The following ADCYAP1R1 variants were observed in gnomAD, a reference collection of about 807,000 sequenced individuals.
The protein encoded by ADCYAP1R1 is pituitary adenylate cyclase-activating polypeptide type I receptor.
A neutral mutation model predicts 67.6 loss-of-function variants in ADCYAP1R1; 44 were observed. That is an observed-to-expected ratio of 0.65 (90% CI 0.51 to 0.84). The LOEUF (loss-of-function observed/expected upper bound fraction) is 0.84, where lower values mean the gene tolerates loss of function less well. ADCYAP1R1 is among the 40% of genes least tolerant of loss of function. The pLI, the probability that ADCYAP1R1 is intolerant of heterozygous loss-of-function variation, is 0.00. For missense variants in ADCYAP1R1, 477 were observed against 587.9 expected, an observed-to-expected ratio of 0.81 and a Z score of 1.95; for synonymous variants, 222 against 219.6, an observed-to-expected ratio of 1.01 and a Z score of -0.10.
chr7:31,069,318 C>T (rs1257041135), intron 3 of ADCYAP1R1, among the ~76,000 whole-genome samples: 1 of 152,220 alleles, frequency 6.6e-6, no homozygotes, highest in Non-Finnish European at 1.5e-5. Flanking sequence ...CCTGCTGCAT[C>T]TCTTTCCTGC....
intron 13 of ADCYAP1R1, chr7:31,095,815 G>A: frequency 1.4e-6 from 1 of 703,792 alleles, no homozygotes; most frequent in Non-Finnish European, 2.6e-6. Flanking sequence ...CGGTATTCCT[G>A]GCCCAGCCTC....
intron 4 of ADCYAP1R1, among the ~76,000 whole-genome samples, chr7:31,078,447 G>A (rs1795370284): frequency 6.6e-6 from 1 of 152,200 alleles, no homozygotes; most frequent in Admixed American, 6.5e-5. Flanking sequence ...TGCTGTGGAC[G>A]CCACTTAGCA....
At position 31,106,776 on chromosome 7, in the gene ADCYAP1R1, T is replaced by A; in HGVS notation, c.*92T>A. The A allele has an allele frequency of 7.1e-7, 1 of 1,403,620 alleles. No individual in the cohort carries two copies. The highest frequency in any genetic ancestry group is 9.5e-7 in the Non-Finnish European group (1 of 1,057,130). 86.9% of individuals were successfully genotyped at this position (1,403,620 alleles called of 1,614,324 possible). A position where few individuals can be genotyped will look rare whatever the true frequency, so the allele number is the denominator to read the frequency against. On this transcript the variant is annotated 3_prime_UTR_variant, in exon 16 of 16. Transcript: ENST00000304166. Reference sequence around the variant, plus strand: ...GCATGTTTGCGCCTCTTCCCTCCCCTTGGGCAGGCCCTGGGCTGGAAGCTT... The same window carrying A: ...GCATGTTTGCGCCTCTTCCCTCCCCATGGGCAGGCCCTGGGCTGGAAGCTT...
intron 13 of ADCYAP1R1, among the ~76,000 whole-genome samples, chr7:31,096,670 C>A (rs2267736): frequency 6.6e-6 from 1 of 151,826 alleles, no homozygotes; most frequent in Non-Finnish European, 1.5e-5. Context: ...CTTGTGGTTG[C>A]GGAGGAGGTG....
At chr7:31,060,167 A>G (rs1794437212) in intron 1 of ADCYAP1R1, among the ~76,000 whole-genome samples, 1 of 152,168 alleles carries the variant, frequency 6.6e-6, no homozygotes, top group Admixed American at 6.5e-5. Context: ...CCGCAGCTAC[A>G]GCTGAGAAGC....
At chr7:31,083,552 G>A (rs1795603093) in intron 6 of ADCYAP1R1, among the ~76,000 whole-genome samples, 1 of 152,214 alleles carries the variant, frequency 6.6e-6, no homozygotes, top group South Asian at 2.1e-4. Context: ...GTAAGATCCG[G>A]CCCTACGTTA....
At chr7:31,090,878 A>G (rs112334142) in intron 12 of ADCYAP1R1, among the ~76,000 whole-genome samples, 15,609 of 152,284 alleles carry the variant, frequency 0.1, 1,463 homozygotes, top group African/African-American at 0.25. Context: ...TGTGATGAAC[A>G]TACCAATGCG....
Position 31,110,075 on chromosome 7 carries a change from C to T in ADCYAP1R1, c.*3391C>T, listed in dbSNP as rs960625384. 1 of 151,814 alleles carries T rather than the reference C, an allele frequency of 6.6e-6. No individual in the cohort carries two copies. The highest frequency in any genetic ancestry group is 2.4e-5 in the African/African-American group (1 of 41,296). The allele number at this position is 151,814 out of a possible 1,614,324, so 9.4% of individuals were successfully genotyped here. On this transcript the variant is annotated 3_prime_UTR_variant, in exon 16 of 16. Coordinates refer to ENST00000304166, the MANE Select transcript of ADCYAP1R1 (RefSeq NM_001118.5). ...AATCCCCGCCAAGGATGCCCACTCA[C>T]CTCTCTCATCTGATCCTCACTCTTT...
At chr7:31,052,863 G>GC (rs1180328926) in intron 1 of ADCYAP1R1, among the ~76,000 whole-genome samples, 185 bp downstream of exon 1, 2 of 152,110 alleles carry the variant, frequency 1.3e-5, no homozygotes, top group African/African-American at 4.8e-5. Context: ...CTGAAATGAA[G>GC]CCCCCTCCCG....
intron 2 of ADCYAP1R1, 45 bp from the exon 3 acceptor site, chr7:31,064,786 G>A (rs1478984982): frequency 6.7e-7 from 1 of 1,486,054 alleles, no homozygotes; most frequent in East Asian, 2.4e-5. Flanking sequence ...GCTTACAGAT[G>A]GGCCTCCTAC....
In ADCYAP1R1 at chr7:31,084,169, G is replaced by C. The variant is rs375886816; in HGVS notation, c.357G>C (p.Thr119=). The part of the protein sequence containing the change: ...SDMGVVSRNC[T]EDGWSEPFPH... ...TGGGAGTGGTGAGCCGGAACTGCAC[G>C]GAGGATGGCTGGTCGGAACCCTTCC... is the stretch of plus-strand genomic sequence containing the variant. The change falls in exon 7 of 16, where the codon ACG becomes ACC. Residue 119 remains threonine, a synonymous_variant. Coordinates refer to ENST00000304166, the MANE Select transcript of ADCYAP1R1 (RefSeq NM_001118.5). 1.2e-6 allele frequency: 2 copies of C among 1,614,160 alleles called. No homozygotes were observed. The highest frequency in any genetic ancestry group is 3.3e-5 in the Admixed American group (2 of 60,022).
chr7:31,095,659 A>C (rs1476125184), intron 13 of ADCYAP1R1: 1 of 717,704 alleles, frequency 1.4e-6, no homozygotes, highest in Admixed American at 2.0e-5. Flanking sequence ...TTTTCCTCTT[A>C]TTTCCAGAAC....
At chr7:31,063,757 G>A (rs532379629) in intron 2 of ADCYAP1R1, among the ~76,000 whole-genome samples, 2 of 152,080 alleles carry the variant, frequency 1.3e-5, no homozygotes, top group African/African-American at 4.8e-5. Context: ...TTTTGGTCCC[G>A]CCACTCTACC....
Position 31,084,841 on chromosome 7 carries a change from C to A in ADCYAP1R1, c.536+7C>A. ...TCATCCTTTGTCGCTTCCGGTGAGACCCTCAGCAACATTCAAGCAAGCACC... is the reference window on the plus strand; with the variant it reads ...TCATCCTTTGTCGCTTCCGGTGAGAACCTCAGCAACATTCAAGCAAGCACC... On this transcript the variant is annotated splice_region_variant and intron_variant, in intron 8 of 15. Coordinates refer to ENST00000304166, the MANE Select transcript of ADCYAP1R1 (RefSeq NM_001118.5). 1 of 1,613,074 alleles carries A rather than the reference C, an allele frequency of 6.2e-7. No individual in the cohort carries two copies. The highest frequency in any genetic ancestry group is 8.5e-7 in the Non-Finnish European group (1 of 1,179,014).
At chr7:31,096,055 G>A (rs1796181758) in intron 13 of ADCYAP1R1, among the ~76,000 whole-genome samples, 1 of 152,170 alleles carries the variant, frequency 6.6e-6, no homozygotes, top group South Asian at 2.1e-4. Flanking sequence ...TAAGCCTCGG[G>A]TAGGTCAGGG....
intron 1 of ADCYAP1R1, among the ~76,000 whole-genome samples, chr7:31,053,621 G>A (rs1562621275): frequency 1.3e-5 from 2 of 152,212 alleles, no homozygotes; most frequent in Non-Finnish European, 2.9e-5. Context: ...TTGGAAGATG[G>A]GGGTGGGGTG....
intron 1 of ADCYAP1R1, among the ~76,000 whole-genome samples, chr7:31,059,808 C>A (rs1480159479): frequency 1.3e-5 from 2 of 151,896 alleles, no homozygotes; most frequent in Non-Finnish European, 2.9e-5. Context: ...GGATTACCGC[C>A]CAGAGAGGGG....
chr7:31,084,661 C>A, intron 7 of ADCYAP1R1, 76 bp from the exon 8 acceptor site: 3 of 1,238,836 alleles, frequency 2.4e-6, no homozygotes, highest in Non-Finnish European at 3.6e-6. Context: ...GCCTGGGAGA[C>A]TGGGTGCAGG....
intron 1 of ADCYAP1R1, 93 bp from the exon 2 acceptor site, chr7:31,063,101 C>T (rs1487056111): frequency 4.2e-6 from 3 of 712,602 alleles, no homozygotes; most frequent in Non-Finnish European, 7.2e-6. Flanking sequence ...GAGAGCCGTG[C>T]TGCAGGGAGC....
Sources: gnomAD v4.1 joint callset for allele counts (sites outside exome capture counted in the v4.1 genomes callset) on GRCh38, gnomAD v4.1.1 for gene constraint, MANE v1.5 for transcripts, NCBI Gene and HGNC (gene_info 2026-07-23, HGNC 2026-07-21) for gene names.